Variants in GPHN observed in about 807,000 individuals in gnomAD.
The protein encoded by GPHN is gephyrin.
In GPHN, 17 loss-of-function variants were observed where a neutral mutation model predicts 95.5. The ratio of observed to expected loss-of-function variants is 0.18; its 90% CI spans 0.12 to 0.27. GPHN has a LOEUF of 0.27. Ranked by LOEUF, GPHN falls within the 10% of genes least tolerant of loss-of-function variation. The pLI is 1.00. For missense variants in GPHN, 660 were observed against 978.1 expected (o/e 0.67, Z 4.34); for synonymous variants, 320 against 322.5 (o/e 0.99, Z 0.08).
At chr14:67,725,942 C>T in the GPHN span, 9 of 819,462 alleles carry the variant, frequency 1.1e-5, no homozygotes, top group Non-Finnish European at 1.9e-5. Flanking sequence ...AAATGTTACC[C>T]CAACAAAGAC....
At chr14:66,665,521 A>G (rs917301928) in intron 1 of GPHN, among the ~76,000 whole-genome samples, 1 of 152,238 alleles carries the variant, frequency 6.6e-6, no homozygotes, top group African/African-American at 2.4e-5. Flanking sequence ...ACTGGCCATC[A>G]GAGAAATGCA....
At chr14:67,716,564 C>T in the GPHN span, among the ~76,000 whole-genome samples, 2 of 152,062 alleles carry the variant, frequency 1.3e-5, no homozygotes, top group African/African-American at 4.8e-5. Context: ...TTAATCTGAA[C>T]ATTTTCAAAC....
chr14:66,623,677 G>T (rs1255926757), intron 1 of GPHN, among the ~76,000 whole-genome samples: 1 of 149,760 alleles, frequency 6.7e-6, no homozygotes, highest in Non-Finnish European at 1.5e-5. Flanking sequence ...CACTTTCTCA[G>T]TTTGTGTCCT....
At chr14:67,567,138 TCGTGTTC>T in the GPHN span, among the ~76,000 whole-genome samples, 21,108 of 151,924 alleles carry the variant, frequency 0.14, 1,599 homozygotes, top group East Asian at 0.27. Flanking sequence ...GCATGATCAC[TCGTGTTC>T]CGTGTTCCGG....
chr14:67,214,190 T>C, the GPHN span, among the ~76,000 whole-genome samples: 1 of 152,236 alleles, frequency 6.6e-6, no homozygotes, highest in Admixed American at 6.5e-5. Context: ...TTTGTCAATT[T>C]TGGCTTTTGT....
chr14:67,260,102 T>C, the GPHN span, among the ~76,000 whole-genome samples: 309 of 152,342 alleles, frequency 2.0e-3, 1 homozygote, highest in East Asian at 0.013. Flanking sequence ...CCAGAACTTA[T>C]GCATCTCTCT....
At chr14:66,761,746 G>A (rs753834355) in intron 2 of GPHN, among the ~76,000 whole-genome samples, 4 of 149,524 alleles carry the variant, frequency 2.7e-5, no homozygotes, top group South Asian at 2.1e-4. Context: ...TGCAAGCTCC[G>A]CCTCCTGGGT....
chr14:66,955,447 G>A (rs537840316), intron 8 of GPHN, among the ~76,000 whole-genome samples: 10 of 152,030 alleles, frequency 6.6e-5, no homozygotes, highest in East Asian at 1.9e-4. Context: ...ATTTCATTTC[G>A]GTAAGCTCAA....
intron 1 of GPHN, among the ~76,000 whole-genome samples, chr14:66,625,216 C>G (rs2063477699): frequency 6.6e-6 from 1 of 152,074 alleles, no homozygotes; most frequent in Admixed American, 6.6e-5. Flanking sequence ...GTAACTGGAA[C>G]TACAAACACG....
chr14:66,869,324 T>G (rs1386381975), intron 4 of GPHN, among the ~76,000 whole-genome samples: 1 of 152,244 alleles, frequency 6.6e-6, no homozygotes. Context: ...GCTACATTCT[T>G]CAAACCATTC....
intron 9 of GPHN, among the ~76,000 whole-genome samples, chr14:66,989,404 A>G (rs1299493180): frequency 1.3e-5 from 2 of 151,996 alleles, no homozygotes; most frequent in African/African-American, 4.8e-5. Flanking sequence ...CTGAGACCAA[A>G]AAGTTGAGAC....
chr14:66,856,623 A>C (rs1159084507), intron 4 of GPHN, among the ~76,000 whole-genome samples: 2 of 152,120 alleles, frequency 1.3e-5, no homozygotes, highest in African/African-American at 4.8e-5. Context: ...CAATCTATAA[A>C]GATAACAAAA....
chr14:67,518,661 C>A, the GPHN span, among the ~76,000 whole-genome samples: 1 of 152,194 alleles, frequency 6.6e-6, no homozygotes, highest in Non-Finnish European at 1.5e-5. Flanking sequence ...TCTGCCCTTC[C>A]CCCAAAGGAA....
intron 11 of GPHN, among the ~76,000 whole-genome samples, chr14:67,062,321 G>T (rs1365065391): frequency 1.3e-5 from 2 of 152,100 alleles, no homozygotes; most frequent in African/African-American, 4.8e-5. Flanking sequence ...AAAGTATTTG[G>T]GGGAACCAAA....
At chr14:66,722,984 C>A (rs535758588) in intron 2 of GPHN, among the ~76,000 whole-genome samples, 2 of 152,248 alleles carry the variant, frequency 1.3e-5, no homozygotes, top group Middle Eastern at 6.8e-3. Flanking sequence ...CCACATCCTT[C>A]ATTCTTTTCC....
At chr14:67,572,396 A>G in the GPHN span, 1 of 254,366 alleles carries the variant, frequency 3.9e-6, no homozygotes, top group South Asian at 3.4e-5. Flanking sequence ...GAGCTGGGGG[A>G]TGGGGGCAGG....
At chr14:66,701,727 A>G (rs1170867444) in intron 2 of GPHN, among the ~76,000 whole-genome samples, 1 of 152,194 alleles carries the variant, frequency 6.6e-6, no homozygotes, top group Non-Finnish European at 1.5e-5. Flanking sequence ...AGAGCCATGT[A>G]GATTCTCAAC....
At chr14:66,601,476 T>A (rs143043995) in intron 1 of GPHN, among the ~76,000 whole-genome samples, 2 of 151,950 alleles carry the variant, frequency 1.3e-5, no homozygotes, top group Non-Finnish European at 2.9e-5. Context: ...AGGAAAGTGA[T>A]GGTGAAGGGG....
chr14:66,523,810 G>A (rs183487839), intron 1 of GPHN, among the ~76,000 whole-genome samples: 1 of 152,076 alleles, frequency 6.6e-6, no homozygotes, highest in African/African-American at 2.4e-5. Context: ...GGCAACAGAA[G>A]CAACCTGTAC....
Sources: allele counts gnomAD v4.1 joint callset (sites outside exome capture counted in the v4.1 genomes callset), GRCh38; gene constraint gnomAD v4.1.1; transcripts MANE v1.5; gene names NCBI Gene and HGNC (gene_info 2026-07-23, HGNC 2026-07-21).